The following SHANK2 variants were observed in gnomAD, a reference collection of about 807,000 sequenced individuals.
SHANK2 encodes SH3 and multiple ankyrin repeat domains protein 2.
In SHANK2, 43 loss-of-function variants were observed where a neutral mutation model predicts 133.7. The ratio of observed to expected loss-of-function variants is 0.32; its 90% CI spans 0.25 to 0.41. The LOEUF is 0.41. Among genes scored for constraint, SHANK2 ranks in the 10% least tolerant of loss-of-function variants. The pLI, the probability that SHANK2 is intolerant of heterozygous loss-of-function variation, is 1.00. For missense variants in SHANK2, 1,994 were observed against 2,235.8 expected (o/e 0.89, Z 2.18); for synonymous variants, 1,017 against 952.8 (o/e 1.07, Z -1.24).
intron 2 of SHANK2, among the ~76,000 whole-genome samples, chr11:71,183,147 G>A (rs148638691): frequency 2.2e-3 from 342 of 152,286 alleles, no homozygotes; most frequent in African/African-American, 7.9e-3. Context: ...AAGGCTTTCT[G>A]GAAGGCGAAA....
In SHANK2 at chr11:70,815,866, G is replaced by A. The variant is rs186603740; in HGVS notation, c.1493+4498C>T. Among the ~76,000 whole-genome samples the A allele has an allele frequency of 1.5e-3, 221 of 152,326 alleles. 3 individuals are homozygous for A. The highest frequency in any genetic ancestry group is 4.9e-3 in the African/African-American group (202 of 41,580). ...TTCTGGGGCTTTGGGTCAGCGTTTAGGCAAATAGGTCTGGCCCAAGAGGGG... is the reference window on the plus strand; with the variant it reads ...TTCTGGGGCTTTGGGTCAGCGTTTAAGCAAATAGGTCTGGCCCAAGAGGGG... On this transcript the variant is annotated intron_variant, in intron 12 of 25. Transcript: ENST00000601538.
chr11:71,115,982 G>A (rs1485780046), intron 4 of SHANK2, among the ~76,000 whole-genome samples: 1 of 152,178 alleles, frequency 6.6e-6, no homozygotes, highest in African/African-American at 2.4e-5. Flanking sequence ...ACTGAGGCCA[G>A]GACAGCTGAG....
intron 21 of SHANK2, among the ~76,000 whole-genome samples, chr11:70,496,301 G>A (rs1271841770): frequency 2.0e-5 from 3 of 152,164 alleles, no homozygotes; most frequent in Non-Finnish European, 4.4e-5. Context: ...GAAGCCATGT[G>A]TCTGTTTTTT....
chr11:70,821,309 G>C (rs1948517110), intron 11 of SHANK2, among the ~76,000 whole-genome samples: 4 of 152,210 alleles, frequency 2.6e-5, no homozygotes, highest in Admixed American at 2.6e-4. Flanking sequence ...GACACAGGGA[G>C]AAGGTGGCAC....
intron 15 of SHANK2, chr11:70,662,036 G>C: frequency 1.9e-6 from 1 of 529,082 alleles, no homozygotes; most frequent in African/African-American, 1.9e-5. Flanking sequence ...TAAGTGGCCC[G>C]AACGGCGGCG....
At chr11:71,166,727 C>T (rs1953158961) in intron 2 of SHANK2, among the ~76,000 whole-genome samples, 2 of 151,974 alleles carry the variant, frequency 1.3e-5, no homozygotes, top group African/African-American at 4.8e-5. Flanking sequence ...AAGTGATCTG[C>T]CCTCCTCAGC....
chr11:70,690,492 T>G (rs1042577454), intron 15 of SHANK2, among the ~76,000 whole-genome samples: 3 of 39,092 alleles, frequency 7.7e-5, no homozygotes, highest in Admixed American at 2.7e-4. Context: ...TCCCATGTTT[T>G]TTTTTTTTTT....
chr11:70,645,937 T>C (rs1417915795), intron 17 of SHANK2, among the ~76,000 whole-genome samples: 1 of 152,180 alleles, frequency 6.6e-6, no homozygotes, highest in Non-Finnish European at 1.5e-5. Context: ...TCATCCTATG[T>C]TCACCAAACC....
intron 2 of SHANK2, among the ~76,000 whole-genome samples, chr11:71,197,742 C>T (rs7123935): frequency 3.7e-4 from 57 of 152,364 alleles, no homozygotes; most frequent in Middle Eastern, 3.4e-3. Context: ...GCTCCGCCTC[C>T]CAGGTTCATG....
intron 25 of SHANK2, among the ~76,000 whole-genome samples, chr11:70,476,957 T>G (rs2135683902): frequency 6.6e-6 from 1 of 152,376 alleles, no homozygotes; most frequent in South Asian, 2.1e-4. Flanking sequence ...GCCCCAGTGC[T>G]GCCCTCACTG....
At chr11:70,903,390 G>T (rs201662766) in intron 10 of SHANK2, among the ~76,000 whole-genome samples, 1 of 75,392 alleles carries the variant, frequency 1.3e-5, no homozygotes, top group East Asian at 3.6e-4. Context: ...ATAAAATAAA[G>T]TAAATAAAAT....
intron 10 of SHANK2, among the ~76,000 whole-genome samples, chr11:70,916,670 C>T (rs897915861): frequency 2.6e-5 from 4 of 152,178 alleles, no homozygotes; most frequent in Admixed American, 2.0e-4. Flanking sequence ...GCCCTCCCTT[C>T]GCCTGGCACA....
At chr11:70,779,258 T>C (rs1947432256) in intron 14 of SHANK2, among the ~76,000 whole-genome samples, 1 of 151,400 alleles carries the variant, frequency 6.6e-6, no homozygotes, top group African/African-American at 2.4e-5. Flanking sequence ...TAAAGTGGCA[T>C]ACGAGACAGA....
In SHANK2 at chr11:70,807,219, T is replaced by G; in HGVS notation, c.1494-48A>C. The G allele has an allele frequency of 2.9e-6, 2 of 697,952 alleles. No homozygotes were observed. The highest frequency in any genetic ancestry group is 5.3e-6 in the Non-Finnish European group (2 of 380,800). The allele number at this position is 697,952 out of a possible 1,614,324, so 43.2% of individuals were successfully genotyped here. On this transcript the variant is annotated intron_variant, in intron 12 of 25. Transcript: ENST00000601538. This position sits in a 1 kb window ranked among gnomAD's most constrained non-coding sequence, Gnocchi z 4.8. ...AGAGAGAGAGAGCAGAGTCACAAGGTCACAAGCCACATGCCACAAACCACA... is the reference window on the plus strand; with the variant it reads ...AGAGAGAGAGAGCAGAGTCACAAGGGCACAAGCCACATGCCACAAACCACA...
intron 8 of SHANK2, among the ~76,000 whole-genome samples, chr11:71,082,782 C>T (rs903518131): frequency 2.0e-4 from 31 of 152,168 alleles, no homozygotes; most frequent in Admixed American, 8.5e-4. Context: ...TTCTTTAAGG[C>T]GGACACTCTT....
intron 10 of SHANK2, among the ~76,000 whole-genome samples, chr11:70,934,470 G>C (rs530059159): frequency 6.6e-6 from 1 of 152,222 alleles, no homozygotes; most frequent in East Asian, 1.9e-4. Flanking sequence ...AGCAGTCCTT[G>C]GCTGTCCCCA....
chr11:70,691,970 C>G (rs1945298470), intron 15 of SHANK2, among the ~76,000 whole-genome samples: 1 of 152,064 alleles, frequency 6.6e-6, no homozygotes, highest in South Asian at 2.1e-4. Context: ...ATCTCTTGCC[C>G]TGCCCCAAAC....
At chr11:70,755,991 C>T (rs1051164297) in intron 14 of SHANK2, among the ~76,000 whole-genome samples, 3 of 152,176 alleles carry the variant, frequency 2.0e-5, no homozygotes, top group African/African-American at 4.8e-5. Flanking sequence ...GCCGCTTCAC[C>T]GAGCCCCGGA....
intron 2 of SHANK2, among the ~76,000 whole-genome samples, chr11:71,187,931 T>C (rs1953708096): frequency 6.6e-6 from 1 of 152,218 alleles, no homozygotes; most frequent in South Asian, 2.1e-4. Context: ...TGGCCTTCCC[T>C]GCACTGTCCT....
Sources: allele counts gnomAD v4.1 joint callset (sites outside exome capture counted in the v4.1 genomes callset), GRCh38; gene constraint gnomAD v4.1.1; non-coding constraint Gnocchi (gnomAD v3.1); transcripts MANE v1.5; gene names NCBI Gene and HGNC (gene_info 2026-07-23, HGNC 2026-07-21).